Variants in PDE4D observed in about 807,000 individuals in gnomAD.
PDE4D encodes the protein 3',5'-cyclic-AMP phosphodiesterase 4D.
Under a neutral mutation model 87.4 loss-of-function variants are expected in PDE4D, and 24 were observed. The observed-to-expected ratio is 0.27, with a 90% CI of 0.20 to 0.39. The LOEUF (loss-of-function observed/expected upper bound fraction) is 0.39, where lower values mean the gene tolerates loss of function less well. Among genes scored for constraint, PDE4D ranks in the 10% least tolerant of loss-of-function variants. The probability of loss-of-function intolerance (pLI) is 1.00; values close to 1 mark genes in which losing one functional copy is unlikely to be tolerated. For missense variants in PDE4D, 714 were observed against 1,041.0 expected (o/e 0.69, Z 4.32); for synonymous variants, 384 against 383.2 (o/e 1.00, Z -0.02).
chr5:60,139,175 T>C (rs1055361252), intron 2 of PDE4D, among the ~76,000 whole-genome samples: 18 of 151,960 alleles, frequency 1.2e-4, no homozygotes, highest in African/African-American at 4.1e-4. Flanking sequence ...GCTCCTTAAG[T>C]AGGAAATACA....
chr5:59,587,316 C>A (rs1561273044), intron 1 of PDE4D: 2 of 458,496 alleles, frequency 4.4e-6, no homozygotes, highest in African/African-American at 2.1e-5. Context: ...AATTCTTCCC[C>A]CGATGTCTTT....
At chr5:59,123,669 A>G (rs1056429720) in intron 5 of PDE4D, among the ~76,000 whole-genome samples, 1 of 152,216 alleles carries the variant, frequency 6.6e-6, no homozygotes, top group Non-Finnish European at 1.5e-5. Context: ...TCCATTGCAG[A>G]CACCGTGACA....
chr5:59,771,499 GA>G (rs760590848), intron 1 of PDE4D, among the ~76,000 whole-genome samples: 33 of 19,718 alleles, frequency 1.7e-3, no homozygotes, highest in South Asian at 4.6e-3. Context: ...GAGAGAGAGA[GA>G]AGAAAGAAAG....
intron 1 of PDE4D, among the ~76,000 whole-genome samples, chr5:59,543,036 G>T (rs557889822): frequency 6.6e-6 from 1 of 152,170 alleles, no homozygotes; most frequent in Admixed American, 6.5e-5. Context: ...TAGAAGAGAT[G>T]AGAGTGAAAA....
intron 2 of PDE4D, among the ~76,000 whole-genome samples, chr5:60,140,496 A>G (rs953136714): frequency 2.6e-5 from 4 of 151,724 alleles, no homozygotes; most frequent in African/African-American, 9.7e-5. Flanking sequence ...ATATCCTGAT[A>G]TCACAAACAT....
chr5:59,384,034 C>T (rs908429862), intron 1 of PDE4D, among the ~76,000 whole-genome samples: 1 of 151,534 alleles, frequency 6.6e-6, no homozygotes, highest in East Asian at 1.9e-4. Context: ...GACTACAGGC[C>T]CATGCCACCA....
rs530784809 is a variant in PDE4D at position 60,241,368 on chromosome 5, G to C, written c.-89-55681C>G. On this transcript the variant is annotated intron_variant, in intron 1 of 16. Transcript: ENST00000502484. ...AGCTCACTGCCACCTCTGCCTCCAG[G>C]GTTCAAGCAATTCTCCTGCCTCAGC... is the stretch of plus-strand genomic sequence containing the variant. Among the ~76,000 whole-genome samples, 221 of 150,536 alleles carry C rather than the reference G, an allele frequency of 1.5e-3. 1 individual carries two copies. The highest frequency in any genetic ancestry group is 5.2e-3 in the African/African-American group (213 of 40,992).
In PDE4D at chr5:59,029,184, G is replaced by A. The variant is rs182327479; in HGVS notation, c.921+9675C>T. On this transcript the variant is annotated intron_variant, in intron 6 of 14. Transcript: ENST00000340635. The stretch of plus-strand genomic sequence containing the variant: ...TCCCAGCACTTTGGGAGGCCGAGGC[G>A]GGCAGATCATGAGGTCAGGAGATCG... 2.8e-3 allele frequency among the ~76,000 whole-genome samples: 422 copies of A among 151,646 alleles called. 1 individual carries two copies. Among genetic ancestry groups the A allele is most frequent in the African/African-American group, 9.4e-3 (387 of 41,358 alleles).
chr5:59,224,293 TAC>T (rs35273659), intron 1 of PDE4D, among the ~76,000 whole-genome samples: 16,270 of 135,140 alleles, frequency 0.12, 1,418 homozygotes, highest in African/African-American at 0.25. Flanking sequence ...CACACACACA[TAC>T]ACACACACAC....
intron 5 of PDE4D, among the ~76,000 whole-genome samples, chr5:59,068,348 G>C (rs1764238470): frequency 6.6e-6 from 1 of 151,912 alleles, no homozygotes; most frequent in South Asian, 2.1e-4. Flanking sequence ...TTTTGTTAGG[G>C]GCTAGATCTG....
chr5:60,052,541 A>G (rs947423636), intron 2 of PDE4D, among the ~76,000 whole-genome samples: 18 of 152,292 alleles, frequency 1.2e-4, no homozygotes, highest in Admixed American at 3.9e-4. Flanking sequence ...ACATATCTCA[A>G]AATAGTAAGA....
intron 1 of PDE4D, among the ~76,000 whole-genome samples, chr5:60,466,008 T>G (rs1295560107): frequency 6.6e-6 from 1 of 152,140 alleles, no homozygotes; most frequent in African/African-American, 2.4e-5. Context: ...TAAAAATAGT[T>G]GAAAAATTCT....
chr5:60,027,596 T>G (rs187935654), intron 2 of PDE4D, among the ~76,000 whole-genome samples: 64 of 152,330 alleles, frequency 4.2e-4, no homozygotes, highest in African/African-American at 1.4e-3. Context: ...ATTACTGGTC[T>G]CTTGTCTGTC....
chr5:60,335,314 G>T (rs1466481790), intron 1 of PDE4D, among the ~76,000 whole-genome samples: 1 of 152,194 alleles, frequency 6.6e-6, no homozygotes, highest in Non-Finnish European at 1.5e-5. Context: ...GTGAGAGCAG[G>T]CTCAGTGAAG....
At chr5:59,003,321 T>C (rs1750918047) in intron 6 of PDE4D, among the ~76,000 whole-genome samples, 1 of 152,188 alleles carries the variant, frequency 6.6e-6, no homozygotes, top group African/African-American at 2.4e-5. Context: ...TTACATTTGC[T>C]CTGTTCCTGA....
At chr5:59,076,170 A>G (rs996997053) in intron 5 of PDE4D, among the ~76,000 whole-genome samples, 20 of 152,190 alleles carry the variant, frequency 1.3e-4, no homozygotes, top group Non-Finnish European at 2.8e-4. Flanking sequence ...CTCTCACATC[A>G]GTAATTTACA....
In PDE4D at chr5:60,289,003, A is replaced by G. The variant is rs573045044; in HGVS notation, c.-89-103316T>C. 4.6e-5 allele frequency among the ~76,000 whole-genome samples: 7 copies of G among 152,344 alleles called. No homozygotes were observed. The South Asian group carries it at 1.2e-3, about 27-fold the overall frequency. The stretch of plus-strand genomic sequence containing the variant: ...TCACCTACAAGAAAACACAGAAGGA[A>G]CATGTATAACTATATTTGAGTCAAC... On this transcript the variant is annotated intron_variant, in intron 1 of 16. Transcript: ENST00000502484.
intron 1 of PDE4D, among the ~76,000 whole-genome samples, chr5:59,340,949 C>T (rs184817071): frequency 3.7e-4 from 56 of 152,254 alleles, no homozygotes; most frequent in African/African-American, 1.2e-3. Context: ...CACTTAGATA[C>T]AACCAGGTGA....
intron 1 of PDE4D, among the ~76,000 whole-genome samples, chr5:60,224,705 T>C (rs1045300545): frequency 6.6e-6 from 1 of 152,234 alleles, no homozygotes; most frequent in Non-Finnish European, 1.5e-5. Context: ...AACTTCTTGT[T>C]ATCTAGCCTT....
Sources: gnomAD v4.1 joint callset for allele counts (sites outside exome capture counted in the v4.1 genomes callset) on GRCh38, gnomAD v4.1.1 for gene constraint, MANE v1.5 for transcripts, NCBI Gene and HGNC (gene_info 2026-07-23, HGNC 2026-07-21) for gene names.